Variants in AGAP1 observed in about 807,000 individuals in gnomAD.
AGAP1 encodes the protein arf-GAP with GTPase, ANK repeat and PH domain-containing protein 1.
In AGAP1, 29 loss-of-function variants were observed where a neutral mutation model predicts 105.3. The observed-to-expected ratio is 0.28, with a 90% CI of 0.21 to 0.38. The LOEUF is 0.38. Among genes scored for constraint, AGAP1 ranks in the 10% least tolerant of loss-of-function variants. AGAP1 has a pLI of 1.00. For missense variants in AGAP1, 998 were observed against 1,165.1 expected, an observed-to-expected ratio of 0.86 and a Z score of 2.09; for synonymous variants, 509 against 485.9, an observed-to-expected ratio of 1.05 and a Z score of -0.63.
chr2:235,757,650 A>T (rs1954042358), intron 6 of AGAP1, among the ~76,000 whole-genome samples: 1 of 152,180 alleles, frequency 6.6e-6, no homozygotes, highest in Non-Finnish European at 1.5e-5. Flanking sequence ...ACCTGGGCCT[A>T]TCTAACCCAT....
At chr2:235,974,649 G>A (rs2054784314) in intron 13 of AGAP1, among the ~76,000 whole-genome samples, 1 of 152,228 alleles carries the variant, frequency 6.6e-6, no homozygotes, top group Non-Finnish European at 1.5e-5. Context: ...GCCTCTCACT[G>A]TTATGGTAGA....
At chr2:235,822,469 G>C (rs1229470984) in intron 9 of AGAP1, among the ~76,000 whole-genome samples, 1 of 151,856 alleles carries the variant, frequency 6.6e-6, no homozygotes, top group Non-Finnish European at 1.5e-5. Flanking sequence ...AGAAGCTCAA[G>C]GGTGAGGAAG....
rs1411898778 is a variant in AGAP1 at position 235,852,779 on chromosome 2, A to AT, written c.1051-30566_1051-30565insT. The AT allele has an allele frequency of 2.0e-6, 3 of 1,516,136 alleles. No individual in the cohort carries two copies. In the African/African-American group the frequency reaches 4.1e-5, roughly 21 times the overall value. The allele number at this position is 1,516,136 out of a possible 1,614,324, so 93.9% of individuals were successfully genotyped here. On this transcript the variant is annotated intron_variant, in intron 9 of 17. Coordinates refer to ENST00000304032, the MANE Select transcript of AGAP1 (RefSeq NM_001037131.3). The stretch of plus-strand genomic sequence containing the variant: ...TCAGTCCTCCCCCTGGCCAGGGCCG[A>AT]GGGGTGGTCAGACCAGCCCGCATTG...
rs1332996141 is a variant in AGAP1, at chr2:235,750,794, TC to T, written c.673+307del. 6.6e-6 allele frequency among the ~76,000 whole-genome samples: 1 copy of T among 152,190 alleles called. No homozygotes were observed. The highest frequency in any genetic ancestry group is 1.5e-5 in the Non-Finnish European group (1 of 68,044). On this transcript the variant is annotated intron_variant, in intron 6 of 17. Coordinates refer to ENST00000304032, the MANE Select transcript of AGAP1 (RefSeq NM_001037131.3). The surrounding 1 kb of genome is among the most constrained non-coding windows in gnomAD (Gnocchi z 5.3). ...CTTGAGCTGTTACTCATCCATGTGC[TC>T]TGTAAAACTTGTTTGTGAGCATTTC... is the stretch of plus-strand genomic sequence containing the variant.
At chr2:235,809,496 G>A (rs1245355772) in intron 9 of AGAP1, among the ~76,000 whole-genome samples, 1 of 152,098 alleles carries the variant, frequency 6.6e-6, no homozygotes, top group East Asian at 1.9e-4. Flanking sequence ...TCCAGGCCTC[G>A]GGTGCCTCGT....
chr2:235,802,657 G>T (rs1191571095), intron 8 of AGAP1, among the ~76,000 whole-genome samples: 1 of 147,778 alleles, frequency 6.8e-6, no homozygotes, highest in African/African-American at 2.7e-5. Context: ...TGGTGATGAT[G>T]ATGGTTGTGG....
At position 235,566,674 on chromosome 2, in the gene AGAP1, G is replaced by A. The variant is rs1265429704; in HGVS notation, c.163+71825G>A. 2.2e-6 allele frequency: 2 copies of A among 900,338 alleles called. No homozygotes were observed. Among genetic ancestry groups the A allele is most frequent in the African/African-American group, 3.6e-5 (2 of 55,326 alleles). 55.8% of individuals were successfully genotyped at this position (900,338 alleles called of 1,614,324 possible). ...TGCCGCAGGACCAGCCGGGACCGGG[G>A]AGAGGCTGTTCGAGGAACACAGGAT... On this transcript the variant is annotated intron_variant, in intron 1 of 17. Coordinates refer to ENST00000304032, the MANE Select transcript of AGAP1 (RefSeq NM_001037131.3). The surrounding 1 kb of genome is among the most constrained non-coding windows in gnomAD (Gnocchi z 5.2).
chr2:236,016,954 G>T (rs1410115456), intron 13 of AGAP1, among the ~76,000 whole-genome samples: 1 of 152,078 alleles, frequency 6.6e-6, no homozygotes, highest in Non-Finnish European at 1.5e-5. Context: ...ATTAACATGT[G>T]TACACATACA....
Position 235,662,168 on chromosome 2 carries a change from T to C in AGAP1, c.164-47011T>C, listed in dbSNP as rs1428757339. On this transcript the variant is annotated intron_variant, in intron 1 of 17. Transcript: ENST00000304032. This position sits in a 1 kb window ranked among gnomAD's most constrained non-coding sequence, Gnocchi z 4.2. ...CAGCTCCTTTAGGGTGGAGTGGCTG[T>C]AAGGCCGTGACCAGGAAAAAAGGGA... is the stretch of plus-strand genomic sequence containing the variant. Among the ~76,000 whole-genome samples, 1 of 152,170 alleles carries C rather than the reference T, an allele frequency of 6.6e-6. No homozygotes were observed. Among genetic ancestry groups the C allele is most frequent in the Non-Finnish European group, 1.5e-5 (1 of 68,036 alleles).
At chr2:235,746,382 T>C (rs1952946788) in intron 5 of AGAP1, among the ~76,000 whole-genome samples, 1 of 51,288 alleles carries the variant, frequency 1.9e-5, no homozygotes, top group African/African-American at 5.5e-5. Flanking sequence ...CCCAACTTTT[T>C]TTTTTTTTTT....
chr2:235,717,121 C>T lies in AGAP1; in HGVS notation c.223-436C>T, dbSNP rs79916855. On this transcript the variant is annotated intron_variant, in intron 2 of 17. Transcript: ENST00000304032. ...CCCCCAAGTCTACCCTAGACTCATC[C>T]CCTAAAGATGCTACCATGCATGGGT... is the stretch of plus-strand genomic sequence containing the variant. Among the ~76,000 whole-genome samples, 969 of 152,240 alleles carry T rather than the reference C, an allele frequency of 6.4e-3. 17 individuals are homozygous for T. The highest frequency in any genetic ancestry group is 0.022 in the African/African-American group (924 of 41,542).
rs145991084 is a variant in AGAP1, at chr2:236,062,436, TTTGTTGTTG to T, written c.2114+13173_2114+13181del. Reference sequence around the variant, plus strand: ...CTAGGAGCATACTCAGGACTCGTATTTTGTTGTTGTTGTTGTTGTTGTTGTTACTTTTCA... The same window carrying T: ...CTAGGAGCATACTCAGGACTCGTATTTTGTTGTTGTTGTTGTTACTTTTCA... On this transcript the variant is annotated intron_variant, in intron 16 of 17. Coordinates refer to ENST00000304032, the MANE Select transcript of AGAP1 (RefSeq NM_001037131.3). The surrounding 1 kb of genome is among the most constrained non-coding windows in gnomAD (Gnocchi z 4.2). Among the ~76,000 whole-genome samples the T allele has an allele frequency of 2.7e-5, 4 of 150,906 alleles. No individual in the cohort carries two copies. The highest frequency in any genetic ancestry group is 2.1e-4 in the South Asian group (1 of 4,736).
In AGAP1 at chr2:236,003,546, G is replaced by A. The variant is rs774996642; in HGVS notation, c.1646-33015G>A. Among the ~76,000 whole-genome samples, 7 of 152,182 alleles carry A rather than the reference G, an allele frequency of 4.6e-5. No individual in the cohort carries two copies. The highest frequency in any genetic ancestry group is 9.6e-5 in the African/African-American group (4 of 41,454). ...CATGGCCCAGAGCCCAGAGTCACCC[G>A]CAGCCCCCCTGCGCTGCTGCTGCCC... is the stretch of plus-strand genomic sequence containing the variant. On this transcript the variant is annotated intron_variant, in intron 13 of 17. Coordinates refer to ENST00000304032, the MANE Select transcript of AGAP1 (RefSeq NM_001037131.3). The surrounding 1 kb of genome is among the most constrained non-coding windows in gnomAD (Gnocchi z 4.2).
In AGAP1 at chr2:235,712,309, C is replaced by T. The variant is rs746863146; in HGVS notation, c.222+3072C>T. On this transcript the variant is annotated intron_variant, in intron 2 of 17. Transcript: ENST00000304032. This position sits in a 1 kb window ranked among gnomAD's most constrained non-coding sequence, Gnocchi z 6.0. ...CTGGGATGACAGGCCTGAGCCACTG[C>T]GCCCGGCCTGATGTTTTCTGAAGTT... 3.3e-5 allele frequency among the ~76,000 whole-genome samples: 5 copies of T among 152,246 alleles called. 1 individual carries two copies. The highest frequency in any genetic ancestry group is 2.0e-4 in the Admixed American group (3 of 15,290).
At chr2:235,844,744 A>G (rs1239096839) in intron 9 of AGAP1, among the ~76,000 whole-genome samples, 2 of 152,038 alleles carry the variant, frequency 1.3e-5, no homozygotes, top group Non-Finnish European at 2.9e-5. Flanking sequence ...GTGTTCTTCC[A>G]TCCATCACTC....
chr2:235,961,905 AGTGCCGG>A lies in AGAP1; in HGVS notation c.1484-6552_1484-6546del, dbSNP rs879859808. Among the ~76,000 whole-genome samples the A allele has an allele frequency of 2.4e-4, 36 of 152,296 alleles. No individual in the cohort carries two copies. Among genetic ancestry groups the A allele is most frequent in the African/African-American group, 7.7e-4 (32 of 41,574 alleles). ...AAAAGTGAGATGACAGCTCATGTTTAGTGCCGGGTGCTGGGTGAGCGAGGGTGGGTGA... is the reference window on the plus strand; with the variant it reads ...AAAAGTGAGATGACAGCTCATGTTTAGTGCTGGGTGAGCGAGGGTGGGTGA... On this transcript the variant is annotated intron_variant, in intron 12 of 17. Transcript: ENST00000304032. The surrounding 1 kb of genome is among the most constrained non-coding windows in gnomAD (Gnocchi z 5.9).
At chr2:235,818,671 G>A (rs745707867) in intron 9 of AGAP1, among the ~76,000 whole-genome samples, 26 of 152,116 alleles carry the variant, frequency 1.7e-4, no homozygotes, top group Non-Finnish European at 2.5e-4. Context: ...TCGAACTCCT[G>A]ACCTCAAGCA....
Position 235,747,959 on chromosome 2 carries a change from G to A in AGAP1, c.539-2395G>A, listed in dbSNP as rs1469589654. On this transcript the variant is annotated intron_variant, in intron 5 of 17. Transcript: ENST00000304032. This position sits in a 1 kb window ranked among gnomAD's most constrained non-coding sequence, Gnocchi z 5.0. ...GCCCGCTGGCGGGAGGGGCAGCTCT[G>A]CCAGCAGGAGCTCTTTCTGGGCAGT... Among the ~76,000 whole-genome samples, 1 of 152,264 alleles carries A rather than the reference G, an allele frequency of 6.6e-6. No homozygotes were observed. The highest frequency in any genetic ancestry group is 1.9e-4 in the East Asian group (1 of 5,200).
chr2:235,587,445 A>G (rs1945151960), intron 1 of AGAP1, among the ~76,000 whole-genome samples: 1 of 152,188 alleles, frequency 6.6e-6, no homozygotes, highest in African/African-American at 2.4e-5. Context: ...CCGGAAATGC[A>G]TCATTTTGTT....
Sources: gnomAD v4.1 joint callset for allele counts (sites outside exome capture counted in the v4.1 genomes callset) on GRCh38, gnomAD v4.1.1 for gene constraint, Gnocchi (gnomAD v3.1) non-coding constraint, MANE v1.5 for transcripts, NCBI Gene and HGNC (gene_info 2026-07-23, HGNC 2026-07-21) for gene names.